Variants in UBE2V1 observed in about 807,000 individuals in gnomAD.
UBE2V1 encodes ubiquitin conjugating enzyme E2 V1, also known as ubiquitin-conjugating enzyme E2 variant 1.
UBE2V1 carries 15 observed loss-of-function variants against 19.6 expected under a neutral mutation model. That is an observed-to-expected ratio of 0.77 (90% CI 0.51 to 1.18). The LOEUF is 1.18. UBE2V1 is among the 50% of genes most tolerant of loss of function. UBE2V1 has a pLI of 0.00. For missense variants in UBE2V1, 125 were observed against 184.8 expected (o/e 0.68, Z 1.88); for synonymous variants, 60 against 60.7 (o/e 0.99, Z 0.05).
intron 1 of UBE2V1, chr20:50,104,428 C>A: frequency 1.2e-6 from 1 of 840,186 alleles, no homozygotes; most frequent in South Asian, 5.5e-5. Flanking sequence ...GAGGCCGAGG[C>A]GGGCGGATCA....
intron 1 of UBE2V1, among the ~76,000 whole-genome samples, chr20:50,111,115 T>C (rs546657992): frequency 6.6e-6 from 1 of 152,344 alleles, no homozygotes; most frequent in South Asian, 2.1e-4. Flanking sequence ...TGGGACATAA[T>C]AGGCCCTCAG....
intron 1 of UBE2V1, among the ~76,000 whole-genome samples, chr20:50,107,444 G>C (rs1268878208): frequency 6.6e-6 from 1 of 152,222 alleles, no homozygotes; most frequent in African/African-American, 2.4e-5. Context: ...TCTGCTGCTA[G>C]GGTCAGTGAC....
chr20:50,092,282 A>G (rs2079285638), intron 2 of UBE2V1, among the ~76,000 whole-genome samples: 4 of 152,138 alleles, frequency 2.6e-5, no homozygotes, highest in Admixed American at 2.0e-4. Context: ...AAATCACGCC[A>G]CTGCACTCCA....
intron 1 of UBE2V1, among the ~76,000 whole-genome samples, chr20:50,098,250 G>T (rs2079761582): frequency 6.6e-6 from 1 of 152,168 alleles, no homozygotes; most frequent in Non-Finnish European, 1.5e-5. Context: ...TAAAATAGAG[G>T]CTGCTTAGGG....
chr20:50,115,283 C>T (rs116832433), upstream of UBE2V1, among the ~76,000 whole-genome samples: 2 of 152,180 alleles, frequency 1.3e-5, no homozygotes, highest in African/African-American at 2.4e-5. Context: ...AAGCCTTCCT[C>T]GATTCCTCCA....
At chr20:50,115,667 G>T (rs1189759950), upstream of UBE2V1, 30 of 1,284,706 alleles carry the variant, frequency 2.3e-5, no homozygotes, top group Admixed American at 1.4e-4. Context: ...GCACAGGGAA[G>T]AGGAAGGGAC....
chr20:50,098,148 C>T, intron 1 of UBE2V1, among the ~76,000 whole-genome samples: 1 of 152,082 alleles, frequency 6.6e-6, no homozygotes, highest in East Asian at 1.9e-4. Flanking sequence ...AATCAGGTGT[C>T]ATAACTAAAG....
At chr20:50,108,320 G>A (rs2080523998) in intron 1 of UBE2V1, among the ~76,000 whole-genome samples, 1 of 152,182 alleles carries the variant, frequency 6.6e-6, no homozygotes, top group Non-Finnish European at 1.5e-5. Flanking sequence ...TGACAGGGTG[G>A]ATGTGAAGAT....
At chr20:50,101,416 CTTTTTTT>C (rs11474905) in intron 1 of UBE2V1, among the ~76,000 whole-genome samples, 4 of 126,308 alleles carry the variant, frequency 3.2e-5, no homozygotes, top group Admixed American at 8.3e-5. Flanking sequence ...CCTCAAAGAA[CTTTTTTT>C]TTTTTTTTTT....
intron 1 of UBE2V1, among the ~76,000 whole-genome samples, chr20:50,099,921 A>C (rs1050956547): frequency 3.9e-5 from 6 of 152,202 alleles, no homozygotes; most frequent in Middle Eastern, 3.4e-3. Flanking sequence ...ACATGGAGAA[A>C]TCTCATGTCT....
intron 2 of UBE2V1, among the ~76,000 whole-genome samples, chr20:50,093,426 T>C (rs768859892): frequency 1.1e-4 from 16 of 151,864 alleles, no homozygotes; most frequent in Non-Finnish European, 1.5e-4. Context: ...TCATGAAAGA[T>C]TGGTCACAGG....
At chr20:50,103,384 T>C (rs2080136636) in intron 1 of UBE2V1, among the ~76,000 whole-genome samples, 1 of 152,088 alleles carries the variant, frequency 6.6e-6, no homozygotes, top group Non-Finnish European at 1.5e-5. Flanking sequence ...TTAAAGGGGC[T>C]TAGTATGAAT....
upstream of UBE2V1, chr20:50,115,512 G>C: frequency 6.3e-7 from 1 of 1,591,960 alleles, no homozygotes; most frequent in Non-Finnish European, 8.6e-7. Flanking sequence ...CTAGGTTCAA[G>C]TCTTCCTTCA....
chr20:50,092,768 G>A (rs920521460), intron 2 of UBE2V1, among the ~76,000 whole-genome samples: 4 of 152,180 alleles, frequency 2.6e-5, no homozygotes, highest in Non-Finnish European at 5.9e-5. Context: ...AACAAAAAAG[G>A]TGGGGGCACT....
chr20:50,106,884 A>C (rs1187106371), intron 1 of UBE2V1, among the ~76,000 whole-genome samples: 48 of 150,926 alleles, frequency 3.2e-4, no homozygotes, highest in African/African-American at 1.1e-3. Flanking sequence ...CAAAAAAAAA[A>C]AAACAAAAAA....
intron 3 of UBE2V1, chr20:50,083,923 G>T: frequency 1.6e-6 from 1 of 641,004 alleles, no homozygotes; most frequent in Non-Finnish European, 2.4e-6. Context: ...CACAGAACTA[G>T]CCCAGGGTAA....
At chr20:50,099,015 C>T (rs1023553073) in intron 1 of UBE2V1, 14 of 963,080 alleles carry the variant, frequency 1.5e-5, no homozygotes, top group African/African-American at 1.8e-5. Context: ...AGGCAAAAAG[C>T]CAGACAACAC....
chr20:50,108,938 C>T (rs2080565094), intron 1 of UBE2V1: 2 of 985,256 alleles, frequency 2.0e-6, no homozygotes, highest in Non-Finnish European at 1.2e-6. Context: ...TTAAACACTC[C>T]AAGACTTAGG....
upstream of UBE2V1, chr20:50,115,547 A>G: frequency 6.3e-7 from 1 of 1,588,274 alleles, no homozygotes; most frequent in Non-Finnish European, 8.6e-7. Context: ...TTGTGACTTC[A>G]GGTAAGACGC....
Sources: gnomAD v4.1 joint callset for allele counts (sites outside exome capture counted in the v4.1 genomes callset) on GRCh38, gnomAD v4.1.1 for gene constraint, MANE v1.5 for transcripts, NCBI Gene and HGNC (gene_info 2026-07-23, HGNC 2026-07-21) for gene names.